Variants in ITPR1 observed in about 807,000 individuals in gnomAD.
The protein encoded by ITPR1 is inositol 1,4,5-trisphosphate receptor type 1.
ITPR1 carries 96 observed loss-of-function variants against 318.4 expected under a neutral mutation model. The observed-to-expected ratio is 0.30, with a 90% CI of 0.26 to 0.36. The LOEUF (loss-of-function observed/expected upper bound fraction) is 0.36. ITPR1 is among the 10% of genes least tolerant of loss of function. The pLI is 1.00. For synonymous variants in ITPR1, 1,312 were observed against 1,289.9 expected (o/e 1.02, Z -0.37); for missense variants, 2,440 against 3,460.2 (o/e 0.71, Z 7.40).
rs756966857 is a variant in ITPR1 at position 4,673,118 on chromosome 3, C to G, written c.2205-18C>G. ...GATTTCTGGAGCGTGAGCTGTGTGC[C>G]CTTGTTCCTTCCTCTAGATATCAGC... On this transcript the variant is annotated intron_variant, in intron 20 of 61. Coordinates refer to ENST00000649015, the MANE Select transcript of ITPR1 (RefSeq NM_001378452.1). The G allele has an allele frequency of 7.5e-6, 12 of 1,607,286 alleles. No individual in the cohort carries two copies. The highest frequency in any genetic ancestry group is 1.3e-5 in the African/African-American group (1 of 74,848).
At chr3:4,639,079 G>A (rs754644314) in intron 5 of ITPR1, among the ~76,000 whole-genome samples, 19 of 151,804 alleles carry the variant, frequency 1.3e-4, no homozygotes, top group African/African-American at 3.4e-4. Context: ...CTCCCTCCCC[G>A]ACCCTATTTT....
intron 4 of ITPR1, among the ~76,000 whole-genome samples, chr3:4,562,069 T>G (rs1452214107): frequency 1.3e-5 from 2 of 149,342 alleles, no homozygotes; most frequent in African/African-American, 4.9e-5. Flanking sequence ...GAAAATACAC[T>G]AACAACAGCT....
At chr3:4,579,207 C>A (rs1009602073) in intron 4 of ITPR1, among the ~76,000 whole-genome samples, 74 of 152,234 alleles carry the variant, frequency 4.9e-4, no homozygotes, top group Admixed American at 4.8e-3. Context: ...AAAGATGTGT[C>A]GTTGTGATGA....
chr3:4,782,432 G>A (rs2046896007), intron 49 of ITPR1, 187 bp from the exon 50 acceptor site: 3 of 467,252 alleles, frequency 6.4e-6, no homozygotes, highest in African/African-American at 4.0e-5. Context: ...GACAGGAGAG[G>A]TGGATTGGTA....
intron 15 of ITPR1, 42 bp downstream of exon 15, chr3:4,662,284 T>G: frequency 1.4e-6 from 2 of 1,438,782 alleles, no homozygotes; most frequent in Non-Finnish European, 1.8e-6. Context: ...CCTCCCGCAC[T>G]GAGAGTTTCT....
At chr3:4,607,767 A>C (rs1036756811) in intron 4 of ITPR1, among the ~76,000 whole-genome samples, 1 of 152,058 alleles carries the variant, frequency 6.6e-6, no homozygotes, top group Non-Finnish European at 1.5e-5. Flanking sequence ...AGCAGTTGGC[A>C]GGTCCAGGTG....
intron 4 of ITPR1, among the ~76,000 whole-genome samples, chr3:4,603,424 A>C (rs115460386): frequency 6.2e-5 from 9 of 145,982 alleles, no homozygotes; most frequent in Non-Finnish European, 1.0e-4. Flanking sequence ...TTTCTTTTTT[A>C]TTTTTGGTTT....
intron 11 of ITPR1, among the ~76,000 whole-genome samples, chr3:4,652,938 A>C (rs1488079953): frequency 6.6e-6 from 1 of 152,136 alleles, no homozygotes; most frequent in Non-Finnish European, 1.5e-5. Context: ...CAGTGACCCG[A>C]GATCGCACCA....
chr3:4,567,528 G>A (rs2087441770), intron 4 of ITPR1, among the ~76,000 whole-genome samples: 1 of 152,192 alleles, frequency 6.6e-6, no homozygotes. Context: ...GAAGATGACA[G>A]TCAACCACGT....
rs565961421 is a variant in ITPR1 at position 4,805,581 on chromosome 3, A to AT, written c.7108-514dup. On this transcript the variant is annotated intron_variant, in intron 54 of 61. Coordinates refer to ENST00000649015, the MANE Select transcript of ITPR1 (RefSeq NM_001378452.1). ...TAGAACTCATCCTGAAGTCCCTTAT[A>AT]TTTTTTTTCCCCCAAGAAAATTGTT... Among the ~76,000 whole-genome samples the AT allele has an allele frequency of 5.1e-4, 77 of 152,072 alleles. 2 individuals are homozygous for AT. In the South Asian group the frequency reaches 0.015, roughly 30 times the overall value.
intron 42 of ITPR1, among the ~76,000 whole-genome samples, chr3:4,730,371 A>ATGTGTGTGTGTGTG (rs369249391): frequency 1.7e-5 from 1 of 57,312 alleles, no homozygotes; most frequent in African/African-American, 5.6e-5. Context: ...GTTGGGTGGA[A>ATGTGTGTGTGTGTG]TGTGTGTGTG....
At chr3:4,604,027 G>C (rs1366977976) in intron 4 of ITPR1, among the ~76,000 whole-genome samples, 1 of 152,124 alleles carries the variant, frequency 6.6e-6, no homozygotes, top group African/African-American at 2.4e-5. Flanking sequence ...TATTCTGACT[G>C]ATGTGAGATG....
At chr3:4,520,672 C>T (rs752943623) in intron 3 of ITPR1, among the ~76,000 whole-genome samples, 1 of 152,228 alleles carries the variant, frequency 6.6e-6, no homozygotes, top group Non-Finnish European at 1.5e-5. Flanking sequence ...TCATATTCAC[C>T]TGGCACAAAG....
intron 4 of ITPR1, among the ~76,000 whole-genome samples, chr3:4,552,434 A>C (rs1381005849): frequency 6.6e-6 from 1 of 152,186 alleles, no homozygotes; most frequent in East Asian, 1.9e-4. Flanking sequence ...AACTCAGGGA[A>C]GCATGTTTAC....
At chr3:4,619,329 G>C (rs946375818) in intron 4 of ITPR1, among the ~76,000 whole-genome samples, 1 of 152,078 alleles carries the variant, frequency 6.6e-6, no homozygotes, top group South Asian at 2.1e-4. Context: ...ATATTTCTTT[G>C]ATTGTTTCCA....
intron 4 of ITPR1, among the ~76,000 whole-genome samples, chr3:4,524,924 GAGA>G (rs1470126012): frequency 1.3e-5 from 2 of 152,304 alleles, no homozygotes; most frequent in East Asian, 3.9e-4. Flanking sequence ...TAAGGTCATT[GAGA>G]AGATTAATTG....
chr3:4,697,315 GGTGTGTGTGTGT>G lies in ITPR1; in HGVS notation c.4407+70_4407+81del, dbSNP rs35795762. The G allele has an allele frequency of 3.7e-3, 3,155 of 864,128 alleles. 50 individuals carry two copies. In the African/African-American group the frequency reaches 0.043, roughly 12 times the overall value. The allele number at this position is 864,128 out of a possible 1,614,324, so 53.5% of individuals were successfully genotyped here. On this transcript the variant is annotated intron_variant, in intron 34 of 61. Transcript: ENST00000649015. Reference sequence around the variant, plus strand: ...GAGGAGGCAGAGTTGGAGAGTGAGAGGTGTGTGTGTGTGTGTGTGTGTGTGTGTGTGTGTGTG... The same window carrying G: ...GAGGAGGCAGAGTTGGAGAGTGAGAGGTGTGTGTGTGTGTGTGTGTGTGTG...
intron 36 of ITPR1, among the ~76,000 whole-genome samples, chr3:4,704,907 G>A (rs1199958659): frequency 2.0e-5 from 3 of 152,222 alleles, no homozygotes; most frequent in South Asian, 2.1e-4. Context: ...TGTGACGGGT[G>A]TACCCTGTGC....
intron 4 of ITPR1, among the ~76,000 whole-genome samples, chr3:4,579,056 A>T (rs1028908781): frequency 6.6e-6 from 1 of 152,234 alleles, no homozygotes. Flanking sequence ...TTCTGATACA[A>T]AGAAGCACCA....
Sources: allele counts gnomAD v4.1 joint callset (sites outside exome capture counted in the v4.1 genomes callset), GRCh38; gene constraint gnomAD v4.1.1; transcripts MANE v1.5; gene names NCBI Gene and HGNC (gene_info 2026-07-23, HGNC 2026-07-21).